The following GALNTL6 variants were observed in gnomAD, a reference collection of about 807,000 sequenced individuals.
The protein encoded by GALNTL6 is polypeptide N-acetylgalactosaminyltransferase like 6.
A neutral mutation model predicts 73.7 loss-of-function variants in GALNTL6; 46 were observed. That is an observed-to-expected ratio of 0.62 (90% CI 0.49 to 0.80). GALNTL6 has a LOEUF of 0.80. Among genes scored for constraint, GALNTL6 ranks in the 30% least tolerant of loss-of-function variants. The pLI is 0.00. For missense variants in GALNTL6, 604 were observed against 755.0 expected (o/e 0.80, Z 2.34); for synonymous variants, 259 against 263.7 (o/e 0.98, Z 0.17).
intron 3 of GALNTL6, among the ~76,000 whole-genome samples, chr4:172,235,224 T>C (rs1053203301): frequency 6.6e-6 from 1 of 152,174 alleles, no homozygotes; most frequent in African/African-American, 2.4e-5. Context: ...GTTTGTTTGT[T>C]TGAGATAGAA....
chr4:172,237,032 C>A (rs1187972323), intron 3 of GALNTL6, among the ~76,000 whole-genome samples: 1 of 152,074 alleles, frequency 6.6e-6, no homozygotes, highest in East Asian at 1.9e-4. Flanking sequence ...CATGTTGCTG[C>A]AAAAAACATG....
intron 3 of GALNTL6, among the ~76,000 whole-genome samples, chr4:172,281,443 C>A (rs1235192185): frequency 6.6e-6 from 1 of 152,098 alleles, no homozygotes; most frequent in Admixed American, 6.5e-5. Context: ...GCCTGTAATC[C>A]GAGCACTTTG....
intron 4 of GALNTL6, 78 bp from the exon 5 acceptor site, chr4:172,348,445 A>C: frequency 8.5e-7 from 1 of 1,176,092 alleles, no homozygotes; most frequent in Non-Finnish European, 1.2e-6. Flanking sequence ...TTGTCTGATA[A>C]CATAATGAAT....
chr4:172,107,220 G>A (rs1464333990), intron 2 of GALNTL6, among the ~76,000 whole-genome samples: 1 of 152,112 alleles, frequency 6.6e-6, no homozygotes, highest in Non-Finnish European at 1.5e-5. Context: ...GGCTTCTCAG[G>A]TCTTATACAA....
intron 5 of GALNTL6, among the ~76,000 whole-genome samples, chr4:172,730,063 AT>A (rs939628956): frequency 6.6e-6 from 1 of 152,088 alleles, no homozygotes; most frequent in African/African-American, 2.4e-5. Flanking sequence ...AATGCTACTG[AT>A]TTTTATATGT....
intron 5 of GALNTL6, among the ~76,000 whole-genome samples, chr4:172,572,040 C>T (rs1158348637): frequency 6.6e-6 from 1 of 152,136 alleles, no homozygotes; most frequent in African/African-American, 2.4e-5. Context: ...TTTCAATTGG[C>T]AGGCACCCAT....
intron 5 of GALNTL6, among the ~76,000 whole-genome samples, chr4:172,648,134 T>A (rs1029186514): frequency 3.9e-5 from 6 of 152,140 alleles, no homozygotes; most frequent in African/African-American, 1.4e-4. Context: ...TTTAGCTGTG[T>A]CAGATTGGCT....
At chr4:172,925,119 A>C (rs897000730) in intron 8 of GALNTL6, among the ~76,000 whole-genome samples, 3 of 148,426 alleles carry the variant, frequency 2.0e-5, no homozygotes, top group Non-Finnish European at 4.5e-5. Flanking sequence ...TGATCCACCC[A>C]CCTTGGCCTC....
rs1735051115 is a variant in GALNTL6 at position 171,834,478 on chromosome 4, T to G, written c.138+19760T>G. 2.0e-5 allele frequency among the ~76,000 whole-genome samples: 3 copies of G among 152,106 alleles called. No individual in the cohort carries two copies. In the South Asian group the frequency reaches 6.2e-4, roughly 32 times the overall value. On this transcript the variant is annotated intron_variant, in intron 2 of 12. Transcript: ENST00000506823. ...ACTTGAGATTGATTGGCCTGATAAA[T>G]TTAGGATACTGACCCTGGTAAACAC...
At chr4:172,936,999 A>C (rs745466637) in intron 9 of GALNTL6, among the ~76,000 whole-genome samples, 3 of 152,062 alleles carry the variant, frequency 2.0e-5, no homozygotes, top group African/African-American at 7.2e-5. Flanking sequence ...AAACTGGAGC[A>C]GCCTGGGCAT....
At chr4:172,953,401 C>T (rs1216394969) in intron 10 of GALNTL6, among the ~76,000 whole-genome samples, 1 of 152,238 alleles carries the variant, frequency 6.6e-6, no homozygotes, top group African/African-American at 2.4e-5. Context: ...CACCGTCCCA[C>T]TTCTCCAGCC....
In GALNTL6 at chr4:172,742,165, C is replaced by T. The variant is rs145194360; in HGVS notation, c.554-67196C>T. ...TGCCCAGTGTTCAGCTGGTTAGGAT[C>T]CTTTAGATAACGGGATAGTTCAAAA... is the stretch of plus-strand genomic sequence containing the variant. On this transcript the variant is annotated intron_variant, in intron 5 of 12. Transcript: ENST00000506823. Among the ~76,000 whole-genome samples, 623 of 151,916 alleles carry T rather than the reference C, an allele frequency of 4.1e-3. 4 individuals carry two copies. Among genetic ancestry groups the T allele is most frequent in the Non-Finnish European group, 6.8e-3 (463 of 67,898 alleles).
intron 2 of GALNTL6, among the ~76,000 whole-genome samples, chr4:172,226,161 G>C (rs937594306): frequency 2.6e-5 from 4 of 152,138 alleles, no homozygotes; most frequent in Non-Finnish European, 4.4e-5. Context: ...ATACCAAGGG[G>C]CAACTGTGTC....
intron 5 of GALNTL6, among the ~76,000 whole-genome samples, chr4:172,471,409 T>G (rs1733043797): frequency 6.6e-6 from 1 of 152,232 alleles, no homozygotes; most frequent in Admixed American, 6.5e-5. Flanking sequence ...CCATTCAAAC[T>G]TAATTCCTTT....
chr4:173,030,171 T>C (rs1048572372), intron 12 of GALNTL6, among the ~76,000 whole-genome samples: 3 of 152,224 alleles, frequency 2.0e-5, no homozygotes, highest in African/African-American at 7.2e-5. Context: ...GAAGTTGTGA[T>C]TCTTATGCAG....
chr4:172,874,104 G>A lies in GALNTL6; in HGVS notation c.924-8686G>A, dbSNP rs375792560. 3.9e-5 allele frequency among the ~76,000 whole-genome samples: 6 copies of A among 152,188 alleles called. No individual in the cohort carries two copies. The East Asian group carries it at 9.6e-4, about 24-fold the overall frequency. On this transcript the variant is annotated intron_variant, in intron 7 of 12. Transcript: ENST00000506823. The stretch of plus-strand genomic sequence containing the variant: ...AATAACAAGCATTTATTTATCCCAT[G>A]AATGAAAAGTTATATTTGTGTCCAA...
intron 7 of GALNTL6, among the ~76,000 whole-genome samples, chr4:172,837,184 C>T (rs1478086261): frequency 6.6e-6 from 1 of 152,122 alleles, no homozygotes; most frequent in Admixed American, 6.5e-5. Flanking sequence ...GGGGTTTTAC[C>T]TCCCTAATTC....
chr4:172,693,663 T>A (rs770716299), intron 5 of GALNTL6, among the ~76,000 whole-genome samples: 1 of 150,520 alleles, frequency 6.6e-6, no homozygotes, highest in African/African-American at 2.4e-5. Flanking sequence ...ATGGGGGAGG[T>A]TTTTCATTTC....
intron 2 of GALNTL6, among the ~76,000 whole-genome samples, chr4:172,105,662 A>G (rs182602455): frequency 3.3e-5 from 5 of 152,264 alleles, no homozygotes; most frequent in Admixed American, 3.3e-4. Context: ...TTAGTAAACA[A>G]TAGATTCTTA....
Sources: gnomAD v4.1 joint callset for allele counts (sites outside exome capture counted in the v4.1 genomes callset) on GRCh38, gnomAD v4.1.1 for gene constraint, MANE v1.5 for transcripts, NCBI Gene and HGNC (gene_info 2026-07-23, HGNC 2026-07-21) for gene names.